The following KHDRBS2 variants were observed in gnomAD, a reference collection of about 807,000 sequenced individuals.
KHDRBS2 encodes KH domain-containing, RNA-binding, signal transduction-associated protein 2.
Under a neutral mutation model 44.3 loss-of-function variants are expected in KHDRBS2, and 26 were observed. The ratio of observed to expected loss-of-function variants is 0.59; its 90% CI spans 0.43 to 0.81. KHDRBS2 has a LOEUF of 0.81. Ranked by LOEUF, KHDRBS2 falls within the 40% of genes least tolerant of loss-of-function variation. The pLI, the probability that KHDRBS2 is intolerant of heterozygous loss-of-function variation, is 0.00. For missense variants in KHDRBS2, 476 were observed against 433.1 expected, an observed-to-expected ratio of 1.10 and a Z score of -0.88; for synonymous variants, 194 against 151.1, an observed-to-expected ratio of 1.28 and a Z score of -2.08.
chr6:62,244,768 T>C (rs576398494), intron 1 of KHDRBS2, among the ~76,000 whole-genome samples: 7 of 152,164 alleles, frequency 4.6e-5, no homozygotes, highest in Non-Finnish European at 1.0e-4. Context: ...TTGTATCTAC[T>C]GTCAGGTCTT....
At chr6:61,867,606 G>C (rs1237926096) in intron 6 of KHDRBS2, among the ~76,000 whole-genome samples, 1 of 152,166 alleles carries the variant, frequency 6.6e-6, no homozygotes, top group Non-Finnish European at 1.5e-5. Flanking sequence ...TTCCATCTTT[G>C]ATGTTGCTGA....
chr6:61,919,267 T>C (rs1285287296), intron 4 of KHDRBS2, among the ~76,000 whole-genome samples: 1 of 151,774 alleles, frequency 6.6e-6, no homozygotes, highest in Non-Finnish European at 1.5e-5. Context: ...CATATGTGAG[T>C]ACAATTTTTT....
chr6:62,025,166 G>C (rs1029556885), intron 3 of KHDRBS2, among the ~76,000 whole-genome samples: 1 of 151,498 alleles, frequency 6.6e-6, no homozygotes, highest in Non-Finnish European at 1.5e-5. Flanking sequence ...ATTTAATTTT[G>C]ACAGATTTTT....
chr6:61,592,792 G>A, the KHDRBS2 span, among the ~76,000 whole-genome samples: 5 of 152,040 alleles, frequency 3.3e-5, no homozygotes, highest in Non-Finnish European at 4.4e-5. Context: ...TAAGAGATTG[G>A]CGAAGAAAAA....
chr6:62,151,287 C>T (rs1034644108), intron 2 of KHDRBS2, among the ~76,000 whole-genome samples: 5 of 152,144 alleles, frequency 3.3e-5, no homozygotes, highest in African/African-American at 1.2e-4. Context: ...TTGCTCTCCC[C>T]TCCTCTAGCA....
chr6:62,109,546 G>A (rs1300223742), intron 2 of KHDRBS2, among the ~76,000 whole-genome samples: 1 of 151,510 alleles, frequency 6.6e-6, no homozygotes, highest in African/African-American at 2.4e-5. Context: ...AAAATCCAAT[G>A]GAATCTATAT....
intron 4 of KHDRBS2, among the ~76,000 whole-genome samples, chr6:61,964,273 C>T (rs1406105335): frequency 6.6e-6 from 1 of 151,958 alleles, no homozygotes; most frequent in Non-Finnish European, 1.5e-5. Flanking sequence ...TGAAAAAATT[C>T]AGTTAAACAT....
intron 6 of KHDRBS2, among the ~76,000 whole-genome samples, chr6:61,750,954 A>G (rs1777592641): frequency 6.6e-6 from 1 of 152,074 alleles, no homozygotes; most frequent in Admixed American, 6.5e-5. Context: ...GATTGCTATT[A>G]TTATCATATA....
chr6:61,894,911 C>T (rs1802657875), intron 5 of KHDRBS2, 78 bp from the exon 6 acceptor site: 3 of 876,756 alleles, frequency 3.4e-6, no homozygotes, highest in Non-Finnish European at 5.5e-6. Context: ...GTTTTCATCT[C>T]ACAGCCTCCA....
At chr6:61,559,084 T>C in the KHDRBS2 span, among the ~76,000 whole-genome samples, 2 of 152,140 alleles carry the variant, frequency 1.3e-5, no homozygotes, top group African/African-American at 4.8e-5. Context: ...TTGTTTTATA[T>C]ATGTGGGTGC....
intron 2 of KHDRBS2, among the ~76,000 whole-genome samples, chr6:62,152,854 A>G (rs1344427093): frequency 1.3e-5 from 2 of 152,206 alleles, no homozygotes; most frequent in East Asian, 3.9e-4. Flanking sequence ...CTCAGGGACT[A>G]TAACTTAGAT....
intron 1 of KHDRBS2, among the ~76,000 whole-genome samples, chr6:62,198,960 C>A (rs1272733395): frequency 6.6e-6 from 1 of 152,122 alleles, no homozygotes; most frequent in Non-Finnish European, 1.5e-5. Context: ...AGTAATCCAG[C>A]ATATAAACAG....
At chr6:62,001,318 A>T (rs1778198056) in intron 3 of KHDRBS2, among the ~76,000 whole-genome samples, 1 of 152,138 alleles carries the variant, frequency 6.6e-6, no homozygotes, top group South Asian at 2.1e-4. Context: ...TTATCTATGA[A>T]TAGAATATTA....
chr6:62,049,159 A>G (rs1431344600), intron 2 of KHDRBS2, among the ~76,000 whole-genome samples: 2 of 151,960 alleles, frequency 1.3e-5, no homozygotes, highest in Non-Finnish European at 2.9e-5. Context: ...GTAAATAGAT[A>G]TGGTATGGTA....
At chr6:62,181,370 C>T (rs1322421616) in intron 1 of KHDRBS2, among the ~76,000 whole-genome samples, 1 of 151,756 alleles carries the variant, frequency 6.6e-6, no homozygotes, top group Non-Finnish European at 1.5e-5. Flanking sequence ...ATAATGAATT[C>T]AAAATTGGCA....
intron 3 of KHDRBS2, among the ~76,000 whole-genome samples, chr6:61,987,372 T>C (rs1325510953): frequency 6.6e-6 from 1 of 152,194 alleles, no homozygotes; most frequent in Non-Finnish European, 1.5e-5. Flanking sequence ...AACCAAATAA[T>C]AAAAAAGTTG....
intron 1 of KHDRBS2, among the ~76,000 whole-genome samples, chr6:62,197,168 G>C (rs1825877224): frequency 6.6e-6 from 1 of 151,960 alleles, no homozygotes; most frequent in East Asian, 1.9e-4. Flanking sequence ...TTCAAAAATG[G>C]GTATTAAATT....
At chr6:61,894,584 T>C (rs1159198563) in intron 6 of KHDRBS2, 51 bp downstream of exon 6, 14 of 1,448,760 alleles carry the variant, frequency 9.7e-6, no homozygotes, top group African/African-American at 1.4e-5. Context: ...CGTAGCTTGT[T>C]AACTAATCAA....
At chr6:61,889,264 A>C (rs538461059) in intron 6 of KHDRBS2, among the ~76,000 whole-genome samples, 1 of 152,310 alleles carries the variant, frequency 6.6e-6, no homozygotes, top group Non-Finnish European at 1.5e-5. Context: ...TCCAAACCTC[A>C]AAGTGTTTGT....
Sources: allele counts gnomAD v4.1 joint callset (sites outside exome capture counted in the v4.1 genomes callset), GRCh38; gene constraint gnomAD v4.1.1; transcripts MANE v1.5; gene names NCBI Gene and HGNC (gene_info 2026-07-23, HGNC 2026-07-21).